DMGDH: variants seen among roughly 807,000 people sequenced by gnomAD.
DMGDH encodes the protein dimethylglycine dehydrogenase, mitochondrial.
DMGDH carries 76 observed loss-of-function variants against 95.2 expected under a neutral mutation model. The ratio of observed to expected loss-of-function variants is 0.80; its 90% CI spans 0.66 to 0.97. The LOEUF is 0.97. Among genes scored for constraint, DMGDH ranks in the 50% least tolerant of loss-of-function variants. The pLI, the probability that DMGDH is intolerant of heterozygous loss-of-function variation, is 0.00. For synonymous variants in DMGDH, 345 were observed against 377.6 expected (o/e 0.91, Z 1.00); for missense variants, 987 against 1,055.0 (o/e 0.94, Z 0.89).
intron 2 of DMGDH, among the ~76,000 whole-genome samples, chr5:79,061,220 A>AC (rs1755198652): frequency 1.4e-5 from 2 of 141,664 alleles, no homozygotes; most frequent in Non-Finnish European, 3.0e-5. Context: ...CTCTGTCTCA[A>AC]ACACACACAC....
chr5:79,043,192 T>C (rs563660342), intron 6 of DMGDH, among the ~76,000 whole-genome samples: 3 of 152,358 alleles, frequency 2.0e-5, no homozygotes, highest in Non-Finnish European at 4.4e-5. Context: ...GTCAGTCTCA[T>C]GGAGGCCTGC....
chr5:79,061,268 A>AC (rs1755205677), intron 2 of DMGDH, among the ~76,000 whole-genome samples: 3 of 94,960 alleles, frequency 3.2e-5, no homozygotes, highest in South Asian at 4.1e-4. Context: ...CACACACACA[A>AC]ACACCTAATA....
At chr5:79,054,439 T>A in intron 3 of DMGDH, 91 bp from the exon 4 acceptor site, 1 of 1,271,884 alleles carries the variant, frequency 7.9e-7, no homozygotes, top group Non-Finnish European at 1.1e-6. Flanking sequence ...AATGCAGCTG[T>A]ACAAAAAGAT....
chr5:79,056,802 C>T (rs576317901), intron 2 of DMGDH, among the ~76,000 whole-genome samples: 13 of 152,238 alleles, frequency 8.5e-5, no homozygotes, highest in African/African-American at 2.9e-4. Context: ...TTGCAGTGAG[C>T]CAAGATCACG....
At chr5:79,010,303 A>G (rs1753627485) in intron 14 of DMGDH, among the ~76,000 whole-genome samples, 1 of 152,230 alleles carries the variant, frequency 6.6e-6, no homozygotes, top group South Asian at 2.1e-4. Flanking sequence ...ATATGTAGTT[A>G]AAATCAAATT....
rs1753938087 is a variant in DMGDH at position 79,024,267 on chromosome 5, A to G, written c.2250+4T>C. On this transcript the variant is annotated splice_donor_region_variant and intron_variant, in intron 14 of 15. Transcript: ENST00000255189. ...TTCAAGCACACTTTGGAATGTAAAC[A>G]TACCTTATTTAACTTCACAAAATAT... The G allele has an allele frequency of 6.2e-7, 1 of 1,612,340 alleles. No individual in the cohort carries two copies. The highest frequency in any genetic ancestry group is 1.3e-5 in the African/African-American group (1 of 74,998).
intron 15 of DMGDH, among the ~76,000 whole-genome samples, chr5:79,002,395 C>T (rs972752148): frequency 6.6e-6 from 1 of 152,104 alleles, no homozygotes; most frequent in African/African-American, 2.4e-5. Context: ...AAAATTAAAC[C>T]TCATTTAAGG....
In DMGDH at chr5:79,049,310, CAT is replaced by C. The variant is rs142911119; in HGVS notation, c.745+1975_745+1976del. On this transcript the variant is annotated intron_variant, in intron 5 of 15. Coordinates refer to ENST00000255189, the MANE Select transcript of DMGDH (RefSeq NM_013391.3). ...TATTACAATGACAATTCATTATGTA[CAT>C]ATGTTTATCCATTTTAGGAAAACAA... Among the ~76,000 whole-genome samples, 1,309 of 152,274 alleles carry C rather than the reference CAT, an allele frequency of 8.6e-3. 17 individuals are homozygous for C. The highest frequency in any genetic ancestry group is 0.03 in the African/African-American group (1,242 of 41,546).
chr5:79,046,093 G>T (rs1580216349), intron 5 of DMGDH, among the ~76,000 whole-genome samples: 1 of 134,708 alleles, frequency 7.4e-6, no homozygotes, highest in South Asian at 2.3e-4. Flanking sequence ...GTTTTGTTTT[G>T]TTTTGTTTTT....
At chr5:79,009,543 A>G (rs1418623907) in intron 14 of DMGDH, among the ~76,000 whole-genome samples, 2 of 152,004 alleles carry the variant, frequency 1.3e-5, no homozygotes, top group Non-Finnish European at 2.9e-5. Flanking sequence ...TATTTTGGAT[A>G]GAGATGGGGT....
Position 79,030,815 on chromosome 5 carries a change from C to G in DMGDH, c.1683+18G>C, listed in dbSNP as rs765982108. 2.5e-6 allele frequency: 4 copies of G among 1,612,538 alleles called. No individual in the cohort carries two copies. The highest frequency in any genetic ancestry group is 3.3e-5 in the Admixed American group (2 of 59,974). On this transcript the variant is annotated intron_variant, in intron 10 of 15. Coordinates refer to ENST00000255189, the MANE Select transcript of DMGDH (RefSeq NM_013391.3). Reference sequence around the variant, plus strand: ...TAGGTCAGAATCCTGGACCTTGTATCCCTACAAGGCTATTTACCTTTGGAA... The same window carrying G: ...TAGGTCAGAATCCTGGACCTTGTATGCCTACAAGGCTATTTACCTTTGGAA...
chr5:79,000,608 C>A (rs931910038), intron 15 of DMGDH: 3 of 614,594 alleles, frequency 4.9e-6, no homozygotes, highest in East Asian at 8.3e-5. Flanking sequence ...AAAATGAGAT[C>A]ATCTTCACAT....
chr5:79,034,711 C>T (rs1205733452), intron 7 of DMGDH, among the ~76,000 whole-genome samples: 3 of 152,108 alleles, frequency 2.0e-5, no homozygotes, highest in Non-Finnish European at 4.4e-5. Context: ...TAACTTTTCC[C>T]ACAACAAGAC....
At chr5:79,060,477 T>C (rs113978228) in intron 2 of DMGDH, among the ~76,000 whole-genome samples, 2 of 152,342 alleles carry the variant, frequency 1.3e-5, no homozygotes, top group African/African-American at 4.8e-5. Flanking sequence ...CTCCAAGCAT[T>C]TGATTCCCAC....
intron 2 of DMGDH, among the ~76,000 whole-genome samples, chr5:79,063,055 G>C (rs1303935404): frequency 1.3e-5 from 2 of 151,986 alleles, no homozygotes; most frequent in African/African-American, 2.4e-5. Context: ...TCGCGCCATT[G>C]CACTCCAGCC....
intron 12 of DMGDH, 70 bp from the exon 13 acceptor site, chr5:79,026,651 G>C: frequency 1.3e-5 from 21 of 1,599,222 alleles, no homozygotes; most frequent in Non-Finnish European, 1.8e-5. Context: ...GCATTAGCTA[G>C]AACACATATA....
At chr5:79,002,451 A>C (rs1753470134) in intron 15 of DMGDH, among the ~76,000 whole-genome samples, 1 of 152,110 alleles carries the variant, frequency 6.6e-6, no homozygotes, top group African/African-American at 2.4e-5. Flanking sequence ...GTTGGACTTG[A>C]CCTTTCCCCA....
intron 14 of DMGDH, chr5:79,021,015 G>T: frequency 1.0e-6 from 1 of 985,436 alleles, no homozygotes; most frequent in Non-Finnish European, 1.2e-6. Context: ...AAAGGCTACT[G>T]ATTTTCCTCC....
chr5:79,067,984 C>T (rs1191085227), intron 1 of DMGDH, among the ~76,000 whole-genome samples: 3 of 152,314 alleles, frequency 2.0e-5, no homozygotes, highest in East Asian at 1.9e-4. Context: ...GGTGCAATCT[C>T]GGTTCTCACT....
Sources: allele counts gnomAD v4.1 joint callset (sites outside exome capture counted in the v4.1 genomes callset), GRCh38; gene constraint gnomAD v4.1.1; transcripts MANE v1.5; gene names NCBI Gene and HGNC (gene_info 2026-07-23, HGNC 2026-07-21).